CSMD1: variants seen among roughly 807,000 people sequenced by gnomAD.
The protein encoded by CSMD1 is CUB and Sushi multiple domains 1.
Under a neutral mutation model 417.5 loss-of-function variants are expected in CSMD1, and 213 were observed. That is an observed-to-expected ratio of 0.51 (90% CI 0.46 to 0.57). CSMD1 has a LOEUF of 0.57. Among genes scored for constraint, CSMD1 ranks in the 20% least tolerant of loss-of-function variants. The pLI, the probability that CSMD1 is intolerant of heterozygous loss-of-function variation, is 0.00. For missense variants in CSMD1, 6,923 were observed against 4,529.7 expected, an observed-to-expected ratio of 1.53 and a Z score of -15.17; for synonymous variants, 2,862 against 1,736.8, an observed-to-expected ratio of 1.65 and a Z score of -16.11.
chr8:4,202,107 G>GT (rs892311644), intron 3 of CSMD1, among the ~76,000 whole-genome samples: 76 of 151,082 alleles, frequency 5.0e-4, no homozygotes, highest in African/African-American at 1.1e-3. Flanking sequence ...TTTTTTGTTA[G>GT]TTTTTTTTTC....
chr8:3,350,528 T>G (rs1050266063), intron 21 of CSMD1, among the ~76,000 whole-genome samples: 1 of 152,142 alleles, frequency 6.6e-6, no homozygotes, highest in Non-Finnish European at 1.5e-5. Flanking sequence ...ATATCCTAAA[T>G]AACACTTACA....
At chr8:3,675,289 G>T (rs552204970) in intron 7 of CSMD1, among the ~76,000 whole-genome samples, 1 of 152,178 alleles carries the variant, frequency 6.6e-6, no homozygotes, top group Admixed American at 6.5e-5. Flanking sequence ...CTCCTGGAGG[G>T]TTGGCAGCAC....
chr8:4,068,094 G>A (rs539949052), intron 3 of CSMD1, among the ~76,000 whole-genome samples: 4,536 of 151,736 alleles, frequency 0.03, 91 homozygotes, highest in Non-Finnish European at 0.04. Flanking sequence ...AAGAAAAAAA[G>A]AAAAAAAGGG....
intron 6 of CSMD1, among the ~76,000 whole-genome samples, chr8:3,714,929 C>A (rs189648936): frequency 6.6e-6 from 1 of 152,080 alleles, no homozygotes; most frequent in Admixed American, 6.6e-5. Context: ...TACATTGTTT[C>A]GCTTTTACTC....
At chr8:3,711,099 C>G (rs564387788) in intron 6 of CSMD1, among the ~76,000 whole-genome samples, 1 of 152,146 alleles carries the variant, frequency 6.6e-6, no homozygotes, top group Non-Finnish European at 1.5e-5. Flanking sequence ...TTTCCTATAG[C>G]AATATTTTCC....
chr8:4,237,586 G>A (rs955006717), intron 3 of CSMD1, among the ~76,000 whole-genome samples: 3 of 151,642 alleles, frequency 2.0e-5, no homozygotes, highest in East Asian at 1.9e-4. Flanking sequence ...CCAAGCTGGA[G>A]CACAATAGTG....
intron 6 of CSMD1, among the ~76,000 whole-genome samples, chr8:3,740,986 G>A (rs1170778237): frequency 6.6e-6 from 1 of 151,932 alleles, no homozygotes; most frequent in Non-Finnish European, 1.5e-5. Context: ...AGGCCAAGGT[G>A]GACGGATCAC....
chr8:3,596,085 T>A (rs1665510474), intron 8 of CSMD1, among the ~76,000 whole-genome samples: 3 of 152,186 alleles, frequency 2.0e-5, no homozygotes, highest in African/African-American at 4.8e-5. Context: ...CTCTTCGAAC[T>A]CTAGACCAAA....
intron 5 of CSMD1, among the ~76,000 whole-genome samples, chr8:3,796,614 G>T (rs916057481): frequency 2.0e-5 from 3 of 147,162 alleles, no homozygotes; most frequent in Admixed American, 1.4e-4. Context: ...ATGTATAGAT[G>T]TATAGATATA....
chr8:4,935,847 C>T (rs1331617231), intron 1 of CSMD1, among the ~76,000 whole-genome samples: 3 of 152,182 alleles, frequency 2.0e-5, no homozygotes, highest in African/African-American at 7.2e-5. Context: ...AAAGCAGATT[C>T]AAACGTCTTC....
At position 4,205,618 on chromosome 8, in the gene CSMD1, C is replaced by G. The variant is rs562657144; in HGVS notation, c.416-173519G>C. ...GGATGAAGCCCTGACAATTTCCACCCAGGAGCCACACAGAGTGAGAAAGCC... is the reference window on the plus strand; with the variant it reads ...GGATGAAGCCCTGACAATTTCCACCGAGGAGCCACACAGAGTGAGAAAGCC... On this transcript the variant is annotated intron_variant, in intron 3 of 69. Coordinates refer to ENST00000635120, the MANE Select transcript of CSMD1 (RefSeq NM_033225.6). Among the ~76,000 whole-genome samples, 3 of 152,264 alleles carry G rather than the reference C, an allele frequency of 2.0e-5. No individual in the cohort carries two copies. In the South Asian group the frequency reaches 6.2e-4, roughly 32 times the overall value.
At chr8:4,921,201 T>C (rs1806476278) in intron 1 of CSMD1, among the ~76,000 whole-genome samples, 2 of 152,136 alleles carry the variant, frequency 1.3e-5, no homozygotes, top group South Asian at 4.1e-4. Flanking sequence ...TTCAAGTGAC[T>C]TGTTAGCTCC....
intron 26 of CSMD1, among the ~76,000 whole-genome samples, chr8:3,266,535 G>C (rs886228563): frequency 1.3e-5 from 2 of 149,594 alleles, no homozygotes; most frequent in African/African-American, 2.5e-5. Context: ...GAACCCAGGA[G>C]GCAGAGGTTG....
intron 26 of CSMD1, among the ~76,000 whole-genome samples, chr8:3,255,083 TG>T (rs1800551791): frequency 6.6e-6 from 1 of 152,194 alleles, no homozygotes; most frequent in Admixed American, 6.5e-5. Flanking sequence ...TAGTTTTCAT[TG>T]TAACAGTCAG....
chr8:2,957,388 G>C (rs1399766229), intron 63 of CSMD1, among the ~76,000 whole-genome samples: 2 of 152,072 alleles, frequency 1.3e-5, no homozygotes, highest in Admixed American at 6.6e-5. Context: ...CAGTTTCTCA[G>C]ACTTTACAGT....
At chr8:4,941,727 T>C (rs1303725406) in intron 1 of CSMD1, among the ~76,000 whole-genome samples, 3 of 152,130 alleles carry the variant, frequency 2.0e-5, no homozygotes, top group African/African-American at 7.2e-5. Context: ...ACCTCCTGAG[T>C]AGTTGGGACC....
At chr8:3,999,134 CCCT>C (rs754514364) in intron 4 of CSMD1, among the ~76,000 whole-genome samples, 2 of 151,458 alleles carry the variant, frequency 1.3e-5, no homozygotes, top group African/African-American at 2.4e-5. Flanking sequence ...TTTCTTCCTT[CCCT>C]CCTTTCTTTC....
chr8:4,973,116 G>C (rs1408796871), intron 1 of CSMD1, among the ~76,000 whole-genome samples: 1 of 152,016 alleles, frequency 6.6e-6, no homozygotes, highest in East Asian at 1.9e-4. Flanking sequence ...CTACTGTATA[G>C]GTATTAAATA....
chr8:4,429,419 C>G (rs1457177405), intron 2 of CSMD1, among the ~76,000 whole-genome samples: 1 of 152,116 alleles, frequency 6.6e-6, no homozygotes. Context: ...AAAGCATCCT[C>G]CTTTCACACA....
Sources: gnomAD v4.1 joint callset for allele counts (sites outside exome capture counted in the v4.1 genomes callset) on GRCh38, gnomAD v4.1.1 for gene constraint, MANE v1.5 for transcripts, NCBI Gene and HGNC (gene_info 2026-07-23, HGNC 2026-07-21) for gene names.